AP1M1: variants seen among roughly 807,000 people sequenced by gnomAD.
AP1M1 encodes the protein AP-1 complex subunit mu-1.
AP1M1 carries 18 observed loss-of-function variants against 57.1 expected under a neutral mutation model. The ratio of observed to expected loss-of-function variants is 0.32; its 90% CI spans 0.22 to 0.47. The LOEUF (loss-of-function observed/expected upper bound fraction) is 0.47, where lower values mean the gene tolerates loss of function less well. Ranked by LOEUF, AP1M1 falls within the 20% of genes least tolerant of loss-of-function variation. The pLI is 1.00. For missense variants in AP1M1, 362 were observed against 593.5 expected (o/e 0.61, Z 4.05); for synonymous variants, 241 against 237.9 (o/e 1.01, Z -0.12).
At chr19:16,223,339 T>C (rs1472181358) in intron 5 of AP1M1, among the ~76,000 whole-genome samples, 1 of 152,224 alleles carries the variant, frequency 6.6e-6, no homozygotes, top group Admixed American at 6.5e-5. Flanking sequence ...GATTCACAGA[T>C]GCTCGATTCT....
At chr19:16,202,373 C>G (rs903016302) in intron 1 of AP1M1, among the ~76,000 whole-genome samples, 1 of 152,208 alleles carries the variant, frequency 6.6e-6, no homozygotes, top group African/African-American at 2.4e-5. Context: ...TTCCGACCTC[C>G]TTTTTATTCT....
intron 5 of AP1M1, among the ~76,000 whole-genome samples, chr19:16,219,441 A>T (rs1445909737): frequency 2.1e-5 from 3 of 143,930 alleles, no homozygotes; most frequent in Non-Finnish European, 4.5e-5. Context: ...CTTGTTGCCC[A>T]GGCTGGAGTG....
In AP1M1 at chr19:16,236,109, G is replaced by A. The variant is rs1166000564; in HGVS notation, c.*1674G>A. On this transcript the variant is annotated 3_prime_UTR_variant, in exon 12 of 12. Coordinates refer to ENST00000291439, the MANE Select transcript of AP1M1 (RefSeq NM_032493.4). ...CTCACTGTCCACACCCATATCAGCAGCCAGCCCTCATGGCCCCTCCAGAAA... is the reference window on the plus strand; with the variant it reads ...CTCACTGTCCACACCCATATCAGCAACCAGCCCTCATGGCCCCTCCAGAAA... The A allele has an allele frequency of 6.6e-6, 1 of 152,436 alleles. No individual in the cohort carries two copies. Among genetic ancestry groups the A allele is most frequent in the Admixed American group, 6.6e-5 (1 of 15,264 alleles). 9.4% of individuals were successfully genotyped at this position (152,436 alleles called of 1,614,324 possible).
intron 4 of AP1M1, 110 bp from the exon 5 acceptor site, chr19:16,208,920 G>T: frequency 1.5e-6 from 2 of 1,370,944 alleles, no homozygotes; most frequent in South Asian, 2.9e-5. Flanking sequence ...TTTCAAGTCG[G>T]TCAGAACCTG....
rs772652325 is a variant in AP1M1 at position 16,204,028 on chromosome 19, G to A, written c.199+413G>A. Among the ~76,000 whole-genome samples, 28 of 152,186 alleles carry A rather than the reference G, an allele frequency of 1.8e-4. 1 individual carries two copies. Among genetic ancestry groups the A allele is most frequent in the Non-Finnish European group, 3.4e-4 (23 of 68,036 alleles). On this transcript the variant is annotated intron_variant, in intron 2 of 11. Coordinates refer to ENST00000291439, the MANE Select transcript of AP1M1 (RefSeq NM_032493.4). ...GGGCAGCGAGGCTGGAGTGGTCAGCGGGGTCTGGGGTCTCAAAGAACATCA... is the reference window on the plus strand; with the variant it reads ...GGGCAGCGAGGCTGGAGTGGTCAGCAGGGTCTGGGGTCTCAAAGAACATCA...
intron 1 of AP1M1, among the ~76,000 whole-genome samples, chr19:16,201,951 G>A (rs776256099): frequency 3.9e-4 from 59 of 152,308 alleles, no homozygotes; most frequent in Non-Finnish European, 7.2e-4. Flanking sequence ...GGGAGGCTGG[G>A]GTAAGTGGCA....
Position 16,238,453 on chromosome 19 carries a change from A to G in AP1M1, c.*4018A>G, listed in dbSNP as rs994551753. Reference sequence around the variant, plus strand: ...AGAGCAGTGATATGGCTCAGAATACAACTTAAACAACATTGAGCGGGAAAA... The same window carrying G: ...AGAGCAGTGATATGGCTCAGAATACGACTTAAACAACATTGAGCGGGAAAA... On this transcript the variant is annotated 3_prime_UTR_variant, in exon 12 of 12. Coordinates refer to ENST00000291439, the MANE Select transcript of AP1M1 (RefSeq NM_032493.4). 2.0e-5 allele frequency: 3 copies of G among 152,196 alleles called. No individual in the cohort carries two copies. Among genetic ancestry groups the G allele is most frequent in the African/African-American group, 7.2e-5 (3 of 41,452 alleles). 9.4% of individuals were successfully genotyped at this position (152,196 alleles called of 1,614,324 possible).
chr19:16,226,808 C>T, intron 6 of AP1M1: 1 of 375,530 alleles, frequency 2.7e-6, no homozygotes, highest in East Asian at 4.3e-5. Flanking sequence ...GCACCCTGCC[C>T]TGCTCTGCCT....
intron 1 of AP1M1, among the ~76,000 whole-genome samples, chr19:16,200,698 C>T (rs769248594): frequency 2.0e-5 from 3 of 152,226 alleles, no homozygotes; most frequent in Non-Finnish European, 2.9e-5. Context: ...TGGGAGGAAG[C>T]TGTCCTAGTA....
At chr19:16,198,805 CT>C (rs60626435) in intron 1 of AP1M1, among the ~76,000 whole-genome samples, 6 of 150,950 alleles carry the variant, frequency 4.0e-5, no homozygotes, top group Admixed American at 6.6e-5. Context: ...AAAACAGTCC[CT>C]TTTTTTTTGT....
chr19:16,203,224 A>G lies in AP1M1; in HGVS notation c.43-235A>G, dbSNP rs916535753. On this transcript the variant is annotated intron_variant, in intron 1 of 11. Transcript: ENST00000291439. This position sits in a 1 kb window ranked among gnomAD's most constrained non-coding sequence, Gnocchi z 4.6. ...TGCTGCAGAGTTCGCCTCTACCCTCACCCTGCGAAGAACTGCAGTGGCCCC... is the reference window on the plus strand; with the variant it reads ...TGCTGCAGAGTTCGCCTCTACCCTCGCCCTGCGAAGAACTGCAGTGGCCCC... The G allele has an allele frequency of 9.5e-5, 53 of 558,994 alleles. No homozygotes were observed. The highest frequency in any genetic ancestry group is 2.9e-5 in the Non-Finnish European group (9 of 310,918). The allele number at this position is 558,994 out of a possible 1,614,324, so 34.6% of individuals were successfully genotyped here. A position where few individuals can be genotyped will look rare whatever the true frequency, so the allele number is the denominator to read the frequency against.
rs1239322026 is a variant in AP1M1 at position 16,244,900 on chromosome 19, G to GTTGTTGTTGT, written c.*10467_*10476dup. On this transcript the variant is annotated 3_prime_UTR_variant, in exon 12 of 12. Coordinates refer to ENST00000291439, the MANE Select transcript of AP1M1 (RefSeq NM_032493.4). ...TTTGTTGTTTGTTGTTGTTGTTGTT[G>GTTGTTGTTGT]TTGTTGTTGTTGTTGAGACGGAGTT... 3 of 152,322 alleles carry GTTGTTGTTGT rather than the reference G, an allele frequency of 2.0e-5. No individual in the cohort carries two copies. The highest frequency in any genetic ancestry group is 4.4e-5 in the Non-Finnish European group (3 of 68,252). The allele number at this position is 152,322 out of a possible 1,614,324, so 9.4% of individuals were successfully genotyped here. A position where few individuals can be genotyped will look rare whatever the true frequency, so the allele number is the denominator to read the frequency against.
Position 16,206,332 on chromosome 19 carries a change from G to A in AP1M1, c.200-9G>A, listed in dbSNP as rs554220207. Reference sequence around the variant, plus strand: ...CTCTGAATGCTCCTTAACTGTGGCCGCCATGCAGTGGTTGCCACATCCAAG... The same window carrying A: ...CTCTGAATGCTCCTTAACTGTGGCCACCATGCAGTGGTTGCCACATCCAAG... On this transcript the variant is annotated splice_polypyrimidine_tract_variant and intron_variant, in intron 2 of 11. Transcript: ENST00000291439. The surrounding 1 kb of genome is among the most constrained non-coding windows in gnomAD (Gnocchi z 4.3). 49 of 1,613,982 alleles carry A rather than the reference G, an allele frequency of 3.0e-5. No individual in the cohort carries two copies. The East Asian group carries it at 4.7e-4, about 15-fold the overall frequency.
chr19:16,204,425 G>A (rs1196110563), intron 2 of AP1M1, among the ~76,000 whole-genome samples: 1 of 152,192 alleles, frequency 6.6e-6, no homozygotes, highest in Non-Finnish European at 1.5e-5. Context: ...TTGAGCCCCA[G>A]CTCCAGCAGC....
rs914145030 is a variant in AP1M1 at position 16,237,062 on chromosome 19, C to T, written c.*2627C>T. On this transcript the variant is annotated 3_prime_UTR_variant, in exon 12 of 12. Transcript: ENST00000291439. ...CAAATAATTTGCATGCGGGTTATAA[C>T]GTCTACAAATCAGAAAAAGAGAACC... 9.9e-5 allele frequency: 15 copies of T among 152,222 alleles called. No individual in the cohort carries two copies. Among genetic ancestry groups the T allele is most frequent in the African/African-American group, 2.2e-4 (9 of 41,456 alleles). 9.4% of individuals were successfully genotyped at this position (152,222 alleles called of 1,614,324 possible). A position where few individuals can be genotyped will look rare whatever the true frequency, so the allele number is the denominator to read the frequency against.
chr19:16,225,702 C>T (rs1316594722), intron 5 of AP1M1, among the ~76,000 whole-genome samples: 1 of 152,208 alleles, frequency 6.6e-6, no homozygotes, highest in African/African-American at 2.4e-5. Flanking sequence ...AGTGGAAATG[C>T]TGTCAGTGTT....
intron 1 of AP1M1, among the ~76,000 whole-genome samples, chr19:16,199,487 A>G (rs914142300): frequency 2.0e-5 from 3 of 152,204 alleles, no homozygotes; most frequent in Non-Finnish European, 4.4e-5. Context: ...GAAGCCCAAC[A>G]TTGATCAGTG....
At chr19:16,213,016 T>C (rs1673078083) in intron 5 of AP1M1, among the ~76,000 whole-genome samples, 1 of 152,210 alleles carries the variant, frequency 6.6e-6, no homozygotes, top group Non-Finnish European at 1.5e-5. Context: ...TATGTCCAAT[T>C]GTGTGGTGGT....
Position 16,197,973 on chromosome 19 carries a change from C to T in AP1M1, c.-54C>T, listed in dbSNP as rs1319440644. 4 of 1,099,124 alleles carry T rather than the reference C, an allele frequency of 3.6e-6. No individual in the cohort carries two copies. Among genetic ancestry groups the T allele is most frequent in the African/African-American group, 4.7e-5 (1 of 21,332 alleles). The allele number at this position is 1,099,124 out of a possible 1,614,324, so 68.1% of individuals were successfully genotyped here. A position where few individuals can be genotyped will look rare whatever the true frequency, so the allele number is the denominator to read the frequency against. ...TTGCTCAACGCCCAGCAGTCCCCAC[C>T]GTCGCTGCCGCCGCCACCGCCCTCG... On this transcript the variant is annotated 5_prime_UTR_variant, in exon 1 of 12. Coordinates refer to ENST00000291439, the MANE Select transcript of AP1M1 (RefSeq NM_032493.4).
Sources: gnomAD v4.1 joint callset for allele counts (sites outside exome capture counted in the v4.1 genomes callset) on GRCh38, gnomAD v4.1.1 for gene constraint, Gnocchi (gnomAD v3.1) non-coding constraint, MANE v1.5 for transcripts, NCBI Gene and HGNC (gene_info 2026-07-23, HGNC 2026-07-21) for gene names.